The following SPPL3 variants were observed in gnomAD, a reference collection of about 807,000 sequenced individuals.
The protein encoded by SPPL3 is signal peptide peptidase-like 3.
In SPPL3, 5 loss-of-function variants were observed where a neutral mutation model predicts 42.4. That is an observed-to-expected ratio of 0.12 (90% CI 0.06 to 0.25). The LOEUF is 0.25. Among genes scored for constraint, SPPL3 ranks in the 10% least tolerant of loss-of-function variants. The probability of loss-of-function intolerance (pLI) is 1.00; values close to 1 mark genes in which losing one functional copy is unlikely to be tolerated. For synonymous variants in SPPL3, 195 were observed against 181.8 expected, an observed-to-expected ratio of 1.07 and a Z score of -0.58; for missense variants, 235 against 489.0, an observed-to-expected ratio of 0.48 and a Z score of 4.90.
chr12:120,823,922 G>C (rs1484197842), intron 1 of SPPL3, among the ~76,000 whole-genome samples: 1 of 151,322 alleles, frequency 6.6e-6, no homozygotes, highest in Non-Finnish European at 1.5e-5. Context: ...CCAGGCTGGA[G>C]TGCAGTGGCG....
At chr12:120,795,372 CAA>C (rs1241644356) in intron 2 of SPPL3, among the ~76,000 whole-genome samples, 5 of 152,318 alleles carry the variant, frequency 3.3e-5, no homozygotes, top group Admixed American at 1.3e-4. Flanking sequence ...TCATTCTGCT[CAA>C]AAGACTTCCT....
intron 2 of SPPL3, among the ~76,000 whole-genome samples, chr12:120,808,912 G>A (rs185451366): frequency 1.6e-4 from 25 of 152,206 alleles, no homozygotes; most frequent in African/African-American, 5.3e-4. Flanking sequence ...TATACTCAAA[G>A]GGAAAAAAAT....
At chr12:120,813,302 G>A (rs1265023281) in intron 1 of SPPL3, among the ~76,000 whole-genome samples, 1 of 150,778 alleles carries the variant, frequency 6.6e-6, no homozygotes, top group Non-Finnish European at 1.5e-5. Context: ...ATAATGGCAG[G>A]CTTTTGGATC....
chr12:120,773,356 A>G (rs140899540), intron 6 of SPPL3, among the ~76,000 whole-genome samples: 2 of 152,362 alleles, frequency 1.3e-5, no homozygotes, highest in South Asian at 2.1e-4. Flanking sequence ...AGGTTTGTGT[A>G]TAGATACTGG....
intron 2 of SPPL3, among the ~76,000 whole-genome samples, chr12:120,808,914 GA>G (rs1267496001): frequency 6.6e-6 from 1 of 152,032 alleles, no homozygotes; most frequent in East Asian, 1.9e-4. Context: ...TACTCAAAGG[GA>G]AAAAAATAAA....
At chr12:120,840,280 A>C (rs77666423) in intron 1 of SPPL3, among the ~76,000 whole-genome samples, 1 of 142,772 alleles carries the variant, frequency 7.0e-6, no homozygotes, top group Admixed American at 6.9e-5. Context: ...TCTGTCTCAA[A>C]AAAAAAAAAA....
chr12:120,855,407 G>T (rs1872417700), intron 1 of SPPL3, among the ~76,000 whole-genome samples: 1 of 152,122 alleles, frequency 6.6e-6, no homozygotes, highest in African/African-American at 2.4e-5. Context: ...AGAAAAACAG[G>T]CCAGGCGCTG....
chr12:120,819,793 G>A (rs1870995961), intron 1 of SPPL3, among the ~76,000 whole-genome samples: 1 of 152,108 alleles, frequency 6.6e-6, no homozygotes, highest in Non-Finnish European at 1.5e-5. Flanking sequence ...TTACTGCTTC[G>A]TCAAGAACAT....
chr12:120,792,247 T>C (rs905969942), intron 2 of SPPL3, among the ~76,000 whole-genome samples: 4 of 152,184 alleles, frequency 2.6e-5, no homozygotes, highest in Admixed American at 6.5e-5. Flanking sequence ...CTGAAGGAAG[T>C]AGTCACTGTC....
intron 1 of SPPL3, among the ~76,000 whole-genome samples, chr12:120,868,114 A>G (rs762343416): frequency 2.6e-5 from 4 of 152,174 alleles, no homozygotes; most frequent in African/African-American, 4.8e-5. Context: ...AAATAAATTA[A>G]GCATGGTGGT....
At chr12:120,804,039 C>T (rs1310567970) in intron 2 of SPPL3, among the ~76,000 whole-genome samples, 1 of 152,128 alleles carries the variant, frequency 6.6e-6, no homozygotes, top group Admixed American at 6.5e-5. Flanking sequence ...TATTAAAGAA[C>T]TCAGCATCTC....
intron 1 of SPPL3, among the ~76,000 whole-genome samples, chr12:120,844,123 CT>C (rs1871936683): frequency 6.6e-6 from 1 of 152,176 alleles, no homozygotes; most frequent in South Asian, 2.1e-4. Flanking sequence ...GTATCTTAAA[CT>C]TAAAATGGAC....
intron 1 of SPPL3, among the ~76,000 whole-genome samples, chr12:120,863,749 C>T (rs1358041523): frequency 6.6e-6 from 1 of 151,656 alleles, no homozygotes; most frequent in Non-Finnish European, 1.5e-5. Flanking sequence ...TGAAGCTATC[C>T]TCCTGCCTCA....
intron 2 of SPPL3, among the ~76,000 whole-genome samples, chr12:120,796,586 T>C (rs1592966983): frequency 6.6e-6 from 1 of 152,330 alleles, no homozygotes; most frequent in East Asian, 1.9e-4. Flanking sequence ...TTGTGAATTT[T>C]ACCTTATCTA....
At chr12:120,864,300 C>T (rs1160055345) in intron 1 of SPPL3, among the ~76,000 whole-genome samples, 1 of 152,004 alleles carries the variant, frequency 6.6e-6, no homozygotes, top group African/African-American at 2.4e-5. Context: ...TTTGGGAGGC[C>T]GAGCTAGGTG....
chr12:120,841,240 G>A (rs937576246), intron 1 of SPPL3, among the ~76,000 whole-genome samples: 7 of 151,880 alleles, frequency 4.6e-5, no homozygotes, highest in African/African-American at 4.8e-5. Context: ...CAGGAGAATC[G>A]GTTGAACCCG....
chr12:120,871,909 C>G, intron 1 of SPPL3, among the ~76,000 whole-genome samples: 1 of 152,014 alleles, frequency 6.6e-6, no homozygotes, highest in East Asian at 1.9e-4. Flanking sequence ...TGCTTGAGAC[C>G]AGAAGTGTTT....
At chr12:120,882,261 G>A (rs1253425950) in intron 1 of SPPL3, among the ~76,000 whole-genome samples, 1 of 152,000 alleles carries the variant, frequency 6.6e-6, no homozygotes, top group African/African-American at 2.4e-5. Flanking sequence ...GTATCCACTG[G>A]GAGTCTTGGG....
At chr12:120,793,499 C>T (rs886800968) in intron 2 of SPPL3, among the ~76,000 whole-genome samples, 1 of 152,098 alleles carries the variant, frequency 6.6e-6, no homozygotes, top group African/African-American at 2.4e-5. Context: ...ACAAAACCAC[C>T]ACCATGAGAA....
Sources: gnomAD v4.1 joint callset for allele counts (sites outside exome capture counted in the v4.1 genomes callset) on GRCh38, gnomAD v4.1.1 for gene constraint, MANE v1.5 for transcripts, NCBI Gene and HGNC (gene_info 2026-07-23, HGNC 2026-07-21) for gene names.